DYNC2I1: variants seen among roughly 807,000 people sequenced by gnomAD.
The protein encoded by DYNC2I1 is dynein 2 intermediate chain 1.
DYNC2I1 carries 89 observed loss-of-function variants against 133.4 expected under a neutral mutation model. That is an observed-to-expected ratio of 0.67 (90% confidence interval 0.56 to 0.80). The LOEUF is 0.80. Among genes scored for constraint, DYNC2I1 ranks in the 30% least tolerant of loss-of-function variants. The probability of loss-of-function intolerance (pLI) is 0.00; values close to 1 mark genes in which losing one functional copy is unlikely to be tolerated. For synonymous variants in DYNC2I1, 504 were observed against 484.3 expected (o/e 1.04, Z -0.54); for missense variants, 1,291 against 1,314.5 (o/e 0.98, Z 0.28).
chr7:158,873,947 G>A (rs1045411913), intron 3 of DYNC2I1, among the ~76,000 whole-genome samples: 7 of 152,104 alleles, frequency 4.6e-5, no homozygotes, highest in African/African-American at 1.7e-4. Context: ...TAGCAGCGAC[G>A]GGGGTTTCAC....
intron 13 of DYNC2I1, 112 bp from the exon 14 acceptor site, chr7:158,914,121 C>G: frequency 1.3e-6 from 1 of 797,606 alleles, no homozygotes; most frequent in Non-Finnish European, 1.9e-6. Flanking sequence ...CTGTCTTTTC[C>G]TTCTGGGACT....
At chr7:158,875,465 A>G (rs1454147903) in intron 3 of DYNC2I1, among the ~76,000 whole-genome samples, 4 of 152,200 alleles carry the variant, frequency 2.6e-5, no homozygotes, top group African/African-American at 9.7e-5. Context: ...CTGATCTTTT[A>G]AAGTGTCCAC....
At chr7:158,914,610 A>G (rs1175780789) in intron 14 of DYNC2I1, among the ~76,000 whole-genome samples, 1 of 152,048 alleles carries the variant, frequency 6.6e-6, no homozygotes, top group East Asian at 1.9e-4. Flanking sequence ...ATAGACTAGC[A>G]GACACGAAGT....
At chr7:158,882,329 G>A (rs1844118469) in intron 5 of DYNC2I1, among the ~76,000 whole-genome samples, 1 of 152,116 alleles carries the variant, frequency 6.6e-6, no homozygotes, top group South Asian at 2.1e-4. Context: ...TACACCTGGA[G>A]TCCTAGCTAC....
chr7:158,924,021 G>A (rs757496462), intron 17 of DYNC2I1, among the ~76,000 whole-genome samples: 1 of 152,114 alleles, frequency 6.6e-6, no homozygotes, highest in Non-Finnish European at 1.5e-5. Flanking sequence ...AGGCATCTTG[G>A]CATGGGTGTT....
chr7:158,864,894 A>C (rs897000460), intron 1 of DYNC2I1, among the ~76,000 whole-genome samples: 1 of 152,204 alleles, frequency 6.6e-6, no homozygotes, highest in African/African-American at 2.4e-5. Context: ...TGTTTTCTAA[A>C]AGAGGAGGCT....
At chr7:158,922,174 A>C (rs147761163) in intron 15 of DYNC2I1, among the ~76,000 whole-genome samples, 1 of 152,000 alleles carries the variant, frequency 6.6e-6, no homozygotes, top group African/African-American at 2.4e-5. Context: ...TTTTAGCCAG[A>C]CTCTGAGGTC....
chr7:158,916,976 A>G (rs1429204565), intron 14 of DYNC2I1, among the ~76,000 whole-genome samples: 1 of 58,660 alleles, frequency 1.7e-5, no homozygotes, highest in East Asian at 5.0e-4. Flanking sequence ...TGAAACGTCT[A>G]CACGCTGGTT....
At chr7:158,898,042 G>A (rs1046231605) in intron 8 of DYNC2I1, among the ~76,000 whole-genome samples, 1 of 152,006 alleles carries the variant, frequency 6.6e-6, no homozygotes, top group African/African-American at 2.4e-5. Context: ...ATATATTGTG[G>A]GATTTTCCAG....
intron 7 of DYNC2I1, among the ~76,000 whole-genome samples, chr7:158,888,016 G>A (rs1354206071): frequency 8.2e-6 from 1 of 122,184 alleles, no homozygotes; most frequent in Non-Finnish European, 1.8e-5. Flanking sequence ...TCAAACCATT[G>A]TCCTTTTTTT....
In DYNC2I1 at chr7:158,902,382, G is replaced by A. The variant is rs1461359705; in HGVS notation, c.1144G>A (p.Glu382Lys). 6.2e-6 allele frequency: 10 copies of A among 1,612,206 alleles called. No individual in the cohort carries two copies. Among genetic ancestry groups the A allele is most frequent in the Non-Finnish European group, 7.6e-6 (9 of 1,179,672 alleles). Residue 382 changes from glutamate to lysine, a missense_variant, in exon 10 of 25, where the codon GAA (glutamate) becomes AAA (lysine). Coordinates refer to ENST00000407559, the MANE Select transcript of DYNC2I1 (RefSeq NM_018051.5). ...ASCEDDFEDY[E>K]DDFEVCDGDD... The stretch of plus-strand genomic sequence containing the variant: ...AGATTATTATTGTTTGCAGGACTAT[G>A]AAGATGACTTTGAGGTTTGTGATGG...
At chr7:158,858,522 T>C (rs1841532073) in intron 1 of DYNC2I1, among the ~76,000 whole-genome samples, 1 of 152,230 alleles carries the variant, frequency 6.6e-6, no homozygotes, top group South Asian at 2.1e-4. Context: ...GCCCTGTTTT[T>C]TTAGTTTTGG....
chr7:158,948,530 T>G (rs1405375499), downstream of DYNC2I1, among the ~76,000 whole-genome samples: 2 of 152,164 alleles, frequency 1.3e-5, no homozygotes, highest in Non-Finnish European at 2.9e-5. Flanking sequence ...GAGGCACTTC[T>G]GTTTTCTCAC....
chr7:158,842,154 G>T, the DYNC2I1 span, among the ~76,000 whole-genome samples: 11 of 152,284 alleles, frequency 7.2e-5, no homozygotes, highest in Non-Finnish European at 1.5e-5. Context: ...TCAGCCTCCT[G>T]AGTAGCTGGG....
chr7:158,926,113 GT>G lies in DYNC2I1; in HGVS notation c.2258-73del, dbSNP rs1849592379. The G allele has an allele frequency of 4.2e-6, 5 of 1,181,668 alleles. No homozygotes were observed. In the East Asian group the frequency reaches 1.3e-4, roughly 30 times the overall value. 73.2% of individuals were successfully genotyped at this position (1,181,668 alleles called of 1,614,324 possible). A position where few individuals can be genotyped will look rare whatever the true frequency, so the allele number is the denominator to read the frequency against. ...TGAGACCCAGAAGCACCTCGTGTTT[GT>G]CCCTGTGTGATGCGAACTGCATTTC... On this transcript the variant is annotated intron_variant, in intron 17 of 24. Transcript: ENST00000407559.
rs1850560138 is a variant in DYNC2I1, at chr7:158,934,555, A to C, written c.2778+6A>C. On this transcript the variant is annotated splice_donor_region_variant and intron_variant, in intron 23 of 24. Coordinates refer to ENST00000407559, the MANE Select transcript of DYNC2I1 (RefSeq NM_018051.5). ...TTGGAGAACCAATATTTTTGGTAAG[A>C]AAGTTTGTTTTTCAGAGCTCCAATT... 2 of 1,550,044 alleles carry C rather than the reference A, an allele frequency of 1.3e-6. No individual in the cohort carries two copies. The highest frequency in any genetic ancestry group is 2.0e-5 in the Admixed American group (1 of 50,554).
chr7:158,912,075 A>G (rs553127945), intron 12 of DYNC2I1, among the ~76,000 whole-genome samples: 4 of 152,254 alleles, frequency 2.6e-5, no homozygotes, highest in African/African-American at 9.6e-5. Flanking sequence ...CCTGGGTTCA[A>G]GTGATTCTCG....
intron 23 of DYNC2I1, among the ~76,000 whole-genome samples, chr7:158,939,907 A>G (rs1167652789): frequency 2.6e-5 from 4 of 152,248 alleles, no homozygotes; most frequent in Admixed American, 6.5e-5. Flanking sequence ...TGAATTTACT[A>G]TATAATGATA....
At chr7:158,946,201 A>G (rs1454127860), downstream of DYNC2I1, 1 of 154,118 alleles carries the variant, frequency 6.5e-6, no homozygotes, top group Non-Finnish European at 1.4e-5. Flanking sequence ...GACCTCTGCC[A>G]ATAGTGTTTT....
Sources: gnomAD v4.1 joint callset for allele counts (sites outside exome capture counted in the v4.1 genomes callset) on GRCh38, gnomAD v4.1.1 for gene constraint, MANE v1.5 for transcripts, NCBI Gene and HGNC (gene_info 2026-07-23, HGNC 2026-07-21) for gene names.